PPP1R2B: variants seen among roughly 807,000 people sequenced by gnomAD.
PPP1R2B encodes the protein PPP1R2 family member B, also known as protein phosphatase inhibitor 2 family member B.
Under a neutral mutation model 17.6 loss-of-function variants are expected in PPP1R2B, and 13 were observed. That is an observed-to-expected ratio of 0.74 (90% CI 0.48 to 1.17). PPP1R2B has a LOEUF of 1.17. PPP1R2B is among the 50% of genes most tolerant of loss of function. PPP1R2B has a pLI of 0.00. For missense variants in PPP1R2B, 230 were observed against 252.4 expected (o/e 0.91, Z 0.60); for synonymous variants, 105 against 95.4 (o/e 1.10, Z -0.59).
chr5:156,851,118 G>A lies in PPP1R2B; in HGVS notation c.556G>A (p.Glu186Lys), dbSNP rs974241449. Residue 186 changes from glutamate to lysine, a missense_variant, in exon 1 of 1, where the codon GAA becomes AAA. Coordinates refer to ENST00000522232, the MANE Select transcript of PPP1R2B (RefSeq NM_206858.3). ...TGCAGATGGAGAAAGCATGAATACG[G>A]AAGAATCAAATCAAGGATCTACTCC... The part of the protein sequence containing the change: ...ETADGESMNT[E>K]ESNQGSTPSD... The A allele has an allele frequency of 1.3e-6, 2 of 1,592,274 alleles. No individual in the cohort carries two copies. The highest frequency in any genetic ancestry group is 2.7e-5 in the African/African-American group (2 of 74,396).
Position 156,850,820 on chromosome 5 carries a change from T to C in PPP1R2B, c.258T>C (p.Cys86=), listed in dbSNP as rs760814982. ...HSMMGDDEDA[C]RDTETTEAMA... ...TGATGGGTGATGATGAAGATGCGTG[T>C]AGGGACACCGAGACCACTGAAGCCA... Residue 86 remains cysteine (C), a synonymous_variant, in exon 1 of 1, where the codon TGT becomes TGC. Transcript: ENST00000522232. The C allele has an allele frequency of 6.6e-7, 1 of 1,511,238 alleles. No individual in the cohort carries two copies. Among genetic ancestry groups the C allele is most frequent in the Non-Finnish European group, 9.2e-7 (1 of 1,087,266 alleles). 93.6% of individuals were successfully genotyped at this position (1,511,238 alleles called of 1,614,324 possible).
chr5:156,851,209 T>C lies in PPP1R2B; in HGVS notation c.*29T>C, dbSNP rs148433923. On this transcript the variant is annotated 3_prime_UTR_variant, in exon 1 of 1. Coordinates refer to ENST00000522232, the MANE Select transcript of PPP1R2B (RefSeq NM_206858.3). ...AGATTTGTTCAACACTGCAATTGTT[T>C]GTTAGATATAAACCCTGTGACTATA... The C allele has an allele frequency of 3.7e-4, 559 of 1,512,770 alleles. 3 individuals carry two copies. In the African/African-American group the frequency reaches 7.2e-3, roughly 20 times the overall value. The allele number at this position is 1,512,770 out of a possible 1,614,324, so 93.7% of individuals were successfully genotyped here.
Position 156,850,390 on chromosome 5 carries a change from C to T in PPP1R2B, c.-173C>T, listed in dbSNP as rs1758460472. The stretch of plus-strand genomic sequence containing the variant: ...GCCACCCATTCGGCGTTGGCTCTGG[C>T]GTCGGGGTCGTTGTGACAACCGCTC... On this transcript the variant is annotated 5_prime_UTR_variant, in exon 1 of 1. Transcript: ENST00000522232. 2.7e-5 allele frequency: 20 copies of T among 753,740 alleles called. No individual in the cohort carries two copies. Among genetic ancestry groups the T allele is most frequent in the Non-Finnish European group, 4.0e-5 (19 of 473,612 alleles). The allele number at this position is 753,740 out of a possible 1,614,324, so 46.7% of individuals were successfully genotyped here. A position where few individuals can be genotyped will look rare whatever the true frequency, so the allele number is the denominator to read the frequency against.
At position 156,851,125 on chromosome 5, in the gene PPP1R2B, C is replaced by T; in HGVS notation, c.563C>T (p.Ser188Leu). ...GGAGAAAGCATGAATACGGAAGAAT[C>T]AAATCAAGGATCTACTCCAAGTGAC... ...ADGESMNTEE[S>L]NQGSTPSDQQ... Residue 188 changes from serine to leucine, a missense_variant, in exon 1 of 1, where the codon TCA becomes TTA. Transcript: ENST00000522232. 1 of 1,591,628 alleles carries T rather than the reference C, an allele frequency of 6.3e-7. No individual in the cohort carries two copies. Among genetic ancestry groups the T allele is most frequent in the Non-Finnish European group, 8.6e-7 (1 of 1,159,574 alleles).
In PPP1R2B at chr5:156,850,676, G is replaced by C. The variant is rs1483972629; in HGVS notation, c.114G>C (p.Glu38Asp). Reference protein sequence around the residue: ...SAEQPRRSVDEELSKKSQKWD... With the variant: ...SAEQPRRSVDDELSKKSQKWD... ...AACAGCCCCGCAGGAGTGTCGACGAGGAGCTGAGCAAAAAATCCCAGAAGT... is the reference window on the plus strand; with the variant it reads ...AACAGCCCCGCAGGAGTGTCGACGACGAGCTGAGCAAAAAATCCCAGAAGT... Residue 38 changes from glutamate to aspartate, a missense_variant, in exon 1 of 1, where the codon GAG becomes GAC. Coordinates refer to ENST00000522232, the MANE Select transcript of PPP1R2B (RefSeq NM_206858.3). 1 of 1,580,636 alleles carries C rather than the reference G, an allele frequency of 6.3e-7. No individual in the cohort carries two copies. The highest frequency in any genetic ancestry group is 8.7e-7 in the Non-Finnish European group (1 of 1,150,086).
chr5:156,850,318 C>T lies in PPP1R2B; in HGVS notation c.-245C>T, dbSNP rs575175539. Among the ~76,000 whole-genome samples the T allele has an allele frequency of 8.7e-5, 13 of 149,052 alleles. No individual in the cohort carries two copies. The highest frequency in any genetic ancestry group is 2.2e-4 in the African/African-American group (9 of 40,750). On this transcript the variant is annotated 5_prime_UTR_variant, in exon 1 of 1. Transcript: ENST00000522232. ...GCGGAGCTCTAGGCCGGCATCTCTC[C>T]GCGAGCCGCGGGTCAAGTGCCGGCG...
Position 156,850,555 on chromosome 5 carries a change from G to A in PPP1R2B, c.-8G>A. Reference sequence around the variant, plus strand: ...GCGACCCTGAGGCGACAGCCGGAGCGCCCGGCAATGGCGGCCTCGACGGCC... The same window carrying A: ...GCGACCCTGAGGCGACAGCCGGAGCACCCGGCAATGGCGGCCTCGACGGCC... On this transcript the variant is annotated 5_prime_UTR_variant, in exon 1 of 1. Coordinates refer to ENST00000522232, the MANE Select transcript of PPP1R2B (RefSeq NM_206858.3). 2.5e-6 allele frequency: 4 copies of A among 1,584,190 alleles called. No homozygotes were observed. Among genetic ancestry groups the A allele is most frequent in the South Asian group, 2.3e-5 (2 of 87,640 alleles).
chr5:156,850,604 C>T lies in PPP1R2B; in HGVS notation c.42C>T (p.Ile14=), dbSNP rs1758464452. Residue 14 remains isoleucine (I), a synonymous_variant, in exon 1 of 1, where the codon ATC becomes ATT. Transcript: ENST00000522232. The part of the protein sequence containing the change: ...STASHRPIKG[I]LKNKTSTTSS... The stretch of plus-strand genomic sequence containing the variant: ...CCTCCCACCGGCCCATCAAGGGGAT[C>T]TTGAAGAACAAGACCTCTACGACTT... The T allele has an allele frequency of 6.3e-7, 1 of 1,598,898 alleles. No homozygotes were observed. Among genetic ancestry groups the T allele is most frequent in the Non-Finnish European group, 8.5e-7 (1 of 1,172,386 alleles).
In PPP1R2B at chr5:156,850,704, G is replaced by A. The variant is rs779827277; in HGVS notation, c.142G>A (p.Asp48Asn). 1 of 1,559,722 alleles carries A rather than the reference G, an allele frequency of 6.4e-7. No individual in the cohort carries two copies. The highest frequency in any genetic ancestry group is 8.8e-7 in the Non-Finnish European group (1 of 1,130,800). The change falls in exon 1 of 1, where the codon GAT (aspartate) becomes AAT (asparagine). Residue 48 changes from aspartate (D) to asparagine (N), a missense_variant. Transcript: ENST00000522232. The stretch of plus-strand genomic sequence containing the variant: ...GCTGAGCAAAAAATCCCAGAAGTGG[G>A]ATGAAATTAACATCTTGGCGACCTA... ...EELSKKSQKW[D>N]EINILATYHP...
chr5:156,850,998 C>A lies in PPP1R2B; in HGVS notation c.436C>A (p.Leu146Ile). Residue 146 changes from leucine (L) to isoleucine (I), a missense_variant, in exon 1 of 1, where the codon CTT becomes ATT. Coordinates refer to ENST00000522232, the MANE Select transcript of PPP1R2B (RefSeq NM_206858.3). ...GCGACAATTTGAAATGAGAAGGAAG[C>A]TTCACTACAATGAAGGACTCAATAT... ...KKRQFEMRRK[L>I]HYNEGLNIKL... 2 of 1,613,598 alleles carry A rather than the reference C, an allele frequency of 1.2e-6. No individual in the cohort carries two copies. Among genetic ancestry groups the A allele is most frequent in the Non-Finnish European group, 1.7e-6 (2 of 1,179,548 alleles).
chr5:156,851,566 G>GT lies in PPP1R2B; in HGVS notation c.*393dup, dbSNP rs1051339090. ...TAGCTCTTACAAAGTTTGTTGATTT[G>GT]TTTTTTTAAAAATCAAAAGCCAGTT... On this transcript the variant is annotated 3_prime_UTR_variant, in exon 1 of 1. Coordinates refer to ENST00000522232, the MANE Select transcript of PPP1R2B (RefSeq NM_206858.3). 9.1e-6 allele frequency: 2 copies of GT among 220,952 alleles called. No homozygotes were observed. The highest frequency in any genetic ancestry group is 1.8e-5 in the Non-Finnish European group (2 of 113,050). 13.7% of individuals were successfully genotyped at this position (220,952 alleles called of 1,614,324 possible). A position where few individuals can be genotyped will look rare whatever the true frequency, so the allele number is the denominator to read the frequency against.
chr5:156,850,862 A>T lies in PPP1R2B; in HGVS notation c.300A>T (p.Leu100=). Residue 100 remains leucine (L), a synonymous_variant, in exon 1 of 1, where the codon CTA becomes CTT. Coordinates refer to ENST00000522232, the MANE Select transcript of PPP1R2B (RefSeq NM_206858.3). ...ETTEAMAPDI[L]AKKLAAAEGL... is the part of the protein sequence containing the mutation. ...CTGAAGCCATGGCGCCAGACATCCT[A>T]GCCAAGAAATTAGCTGCTGCTGAAG... The T allele has an allele frequency of 6.3e-7, 1 of 1,585,926 alleles. No homozygotes were observed. Among genetic ancestry groups the T allele is most frequent in the South Asian group, 1.1e-5 (1 of 90,356 alleles).
rs1422379216 is a variant in PPP1R2B, at chr5:156,851,214, GA to G, written c.*35del. 1 of 1,491,122 alleles carries G rather than the reference GA, an allele frequency of 6.7e-7. No individual in the cohort carries two copies. Among genetic ancestry groups the G allele is most frequent in the African/African-American group, 1.4e-5 (1 of 72,230 alleles). The allele number at this position is 1,491,122 out of a possible 1,614,324, so 92.4% of individuals were successfully genotyped here. ...TGTTCAACACTGCAATTGTTTGTTAGATATAAACCCTGTGACTATAATACAT... is the reference window on the plus strand; with the variant it reads ...TGTTCAACACTGCAATTGTTTGTTAGTATAAACCCTGTGACTATAATACAT... On this transcript the variant is annotated 3_prime_UTR_variant, in exon 1 of 1. Coordinates refer to ENST00000522232, the MANE Select transcript of PPP1R2B (RefSeq NM_206858.3).
chr5:156,851,357 A>G lies in PPP1R2B; in HGVS notation c.*177A>G. On this transcript the variant is annotated 3_prime_UTR_variant, in exon 1 of 1. Coordinates refer to ENST00000522232, the MANE Select transcript of PPP1R2B (RefSeq NM_206858.3). ...TAATTAGACTGAAAATGCCTAATTG[A>G]TATATATATTCTTATGCCTAGTACT... 6.4e-6 allele frequency: 4 copies of G among 629,432 alleles called. No individual in the cohort carries two copies. Among genetic ancestry groups the G allele is most frequent in the South Asian group, 2.0e-5 (1 of 50,896 alleles). 39.0% of individuals were successfully genotyped at this position (629,432 alleles called of 1,614,324 possible).
Position 156,850,649 on chromosome 5 carries a change from C to T in PPP1R2B, c.87C>T (p.Ala29=), listed in dbSNP as rs745620031. 6.3e-6 allele frequency: 10 copies of T among 1,597,252 alleles called. 1 individual carries two copies. The highest frequency in any genetic ancestry group is 8.6e-6 in the Non-Finnish European group (10 of 1,166,206). ...CGACTTCCTCTATGGTGGCGTCGGCCGAACAGCCCCGCAGGAGTGTCGACG... is the reference window on the plus strand; with the variant it reads ...CGACTTCCTCTATGGTGGCGTCGGCTGAACAGCCCCGCAGGAGTGTCGACG... ...TSTTSSMVAS[A]EQPRRSVDEE... is the part of the protein sequence containing the mutation. The change falls in exon 1 of 1, where the codon GCC becomes GCT. Residue 29 remains alanine, a synonymous_variant. Coordinates refer to ENST00000522232, the MANE Select transcript of PPP1R2B (RefSeq NM_206858.3).
Position 156,850,339 on chromosome 5 carries a change from CGGCGGCTAAT to C in PPP1R2B, c.-221_-212del, listed in dbSNP as rs1228877852. 6.7e-6 allele frequency among the ~76,000 whole-genome samples: 1 copy of C among 150,264 alleles called. No homozygotes were observed. The highest frequency in any genetic ancestry group is 2.4e-5 in the African/African-American group (1 of 40,918). On this transcript the variant is annotated 5_prime_UTR_variant, in exon 1 of 1. An upstream start codon of the reference 5' UTR is lost. Coordinates refer to ENST00000522232, the MANE Select transcript of PPP1R2B (RefSeq NM_206858.3). Reference sequence around the variant, plus strand: ...TCTCCGCGAGCCGCGGGTCAAGTGCCGGCGGCTAATGGTGCGCGAGGAGCCGCCACCCATT... The same window carrying C: ...TCTCCGCGAGCCGCGGGTCAAGTGCCGGTGCGCGAGGAGCCGCCACCCATT...
In PPP1R2B at chr5:156,852,348, G is replaced by A. The variant is rs938266295; in HGVS notation, c.*1168G>A. ...TGCATGAGAATTGTATGTAACCAGT[G>A]ATATGATTATTCCTGAATGTACAGA... On this transcript the variant is annotated 3_prime_UTR_variant, in exon 1 of 1. Coordinates refer to ENST00000522232, the MANE Select transcript of PPP1R2B (RefSeq NM_206858.3). 6.6e-6 allele frequency: 1 copy of A among 151,952 alleles called. No individual in the cohort carries two copies. The highest frequency in any genetic ancestry group is 1.5e-5 in the Non-Finnish European group (1 of 67,936). The allele number at this position is 151,952 out of a possible 1,614,324, so 9.4% of individuals were successfully genotyped here.
chr5:156,850,904 C>A lies in PPP1R2B; in HGVS notation c.342C>A (p.Tyr114Ter), dbSNP rs779450796. ...CTGCTGAAGGCTTGGAGCCAAAGTACCGGATTCAGGAACAAGAAAGCAGTG... is the reference window on the plus strand; with the variant it reads ...CTGCTGAAGGCTTGGAGCCAAAGTAACGGATTCAGGAACAAGAAAGCAGTG... ...LAAAEGLEPK[Y>*]RIQEQESSGE... The change falls in exon 1 of 1, where the codon TAC (tyrosine) becomes TAA (stop). Residue 114 changes from tyrosine (Y) to a stop codon, truncating the protein, a stop_gained. Coordinates refer to ENST00000522232, the MANE Select transcript of PPP1R2B (RefSeq NM_206858.3). LOFTEE classifies it high-confidence loss of function. 1 of 1,611,180 alleles carries A rather than the reference C, an allele frequency of 6.2e-7. No homozygotes were observed. Among genetic ancestry groups the A allele is most frequent in the Non-Finnish European group, 8.5e-7 (1 of 1,178,066 alleles).
Position 156,852,043 on chromosome 5 carries a change from T to A in PPP1R2B, c.*863T>A, listed in dbSNP as rs114234476. Reference sequence around the variant, plus strand: ...CAATCTTTTACCTTTTAAAGGATCATTAAGATTGTCACGACATTAGGAACT... The same window carrying A: ...CAATCTTTTACCTTTTAAAGGATCAATAAGATTGTCACGACATTAGGAACT... On this transcript the variant is annotated 3_prime_UTR_variant, in exon 1 of 1. Coordinates refer to ENST00000522232, the MANE Select transcript of PPP1R2B (RefSeq NM_206858.3). The A allele has an allele frequency of 2.8e-3, 423 of 152,380 alleles. 3 individuals are homozygous for A. Among genetic ancestry groups the A allele is most frequent in the African/African-American group, 9.7e-3 (402 of 41,568 alleles). 9.4% of individuals were successfully genotyped at this position (152,380 alleles called of 1,614,324 possible).
Sources: allele counts gnomAD v4.1 joint callset (sites outside exome capture counted in the v4.1 genomes callset), GRCh38; gene constraint gnomAD v4.1.1; transcripts MANE v1.5; gene names NCBI Gene and HGNC (gene_info 2026-07-23, HGNC 2026-07-21).